The following PLPPR5 variants were observed in gnomAD, a reference collection of about 807,000 sequenced individuals.
PLPPR5 encodes phospholipid phosphatase-related protein type 5.
PLPPR5 carries 16 observed loss-of-function variants against 33.9 expected under a neutral mutation model. The ratio of observed to expected loss-of-function variants is 0.47; its 90% CI spans 0.32 to 0.72. The LOEUF is 0.72. PLPPR5 is among the 30% of genes least tolerant of loss of function. PLPPR5 has a pLI of 0.03. For missense variants in PLPPR5, 301 were observed against 406.7 expected (o/e 0.74, Z 2.23); for synonymous variants, 163 against 150.3 (o/e 1.08, Z -0.62).
intron 1 of PLPPR5, among the ~76,000 whole-genome samples, chr1:98,979,151 T>C (rs1165546701): frequency 2.0e-5 from 3 of 152,202 alleles, no homozygotes; most frequent in Middle Eastern, 3.4e-3. Flanking sequence ...AAGTTTAGCT[T>C]CTCATTTAGG....
chr1:98,932,934 T>C (rs1237795678), intron 3 of PLPPR5, among the ~76,000 whole-genome samples: 4 of 152,146 alleles, frequency 2.6e-5, no homozygotes, highest in Non-Finnish European at 5.9e-5. Flanking sequence ...ATCTGAGCCC[T>C]CAAGTAGAGA....
intron 3 of PLPPR5, among the ~76,000 whole-genome samples, chr1:98,932,732 C>T (rs1193616235): frequency 6.6e-6 from 1 of 152,178 alleles, no homozygotes; most frequent in Non-Finnish European, 1.5e-5. Context: ...CTGCAGTAAG[C>T]ATGCACATTA....
In PLPPR5 at chr1:98,892,058, T is replaced by C. The variant is rs879945479; in HGVS notation, c.*1014A>G. 5 of 152,156 alleles carry C rather than the reference T, an allele frequency of 3.3e-5. No individual in the cohort carries two copies. Among genetic ancestry groups the C allele is most frequent in the African/African-American group, 4.8e-5 (2 of 41,454 alleles). The allele number at this position is 152,156 out of a possible 1,614,324, so 9.4% of individuals were successfully genotyped here. A position where few individuals can be genotyped will look rare whatever the true frequency, so the allele number is the denominator to read the frequency against. ...TATGAGGATTACATAAAATAATTGG[T>C]GTAAATATGCTTTGTAAACTATAAA... On this transcript the variant is annotated 3_prime_UTR_variant, in exon 6 of 6. Coordinates refer to ENST00000263177, the MANE Select transcript of PLPPR5 (RefSeq NM_001037317.2).
intron 1 of PLPPR5, among the ~76,000 whole-genome samples, chr1:98,998,273 G>A (rs1652698471): frequency 6.6e-6 from 1 of 152,136 alleles, no homozygotes; most frequent in Non-Finnish European, 1.5e-5. Flanking sequence ...CTTAGAAACA[G>A]AAGTACCTCC....
chr1:98,915,769 T>C (rs1443714236), intron 4 of PLPPR5, among the ~76,000 whole-genome samples: 1 of 152,142 alleles, frequency 6.6e-6, no homozygotes, highest in Non-Finnish European at 1.5e-5. Context: ...GATTCTGATT[T>C]AGTAAATGAA....
At chr1:98,907,949 G>A (rs1224282379) in intron 5 of PLPPR5, among the ~76,000 whole-genome samples, 2 of 152,134 alleles carry the variant, frequency 1.3e-5, no homozygotes, top group Non-Finnish European at 2.9e-5. Flanking sequence ...CAGGTGTGGG[G>A]TACCTATCCA....
At chr1:98,967,445 GTAAA>G (rs964812666) in intron 1 of PLPPR5, among the ~76,000 whole-genome samples, 3 of 152,200 alleles carry the variant, frequency 2.0e-5, no homozygotes, top group Non-Finnish European at 4.4e-5. Flanking sequence ...AAAAATACTA[GTAAA>G]TAAATGAAGA....
intron 1 of PLPPR5, among the ~76,000 whole-genome samples, chr1:98,973,106 CTAACT>C (rs1651714455): frequency 1.3e-5 from 2 of 152,114 alleles, no homozygotes; most frequent in East Asian, 1.9e-4. Context: ...CTGAGCCATC[CTAACT>C]TAACACTGCT....
chr1:98,964,272 G>T (rs1651356066), intron 1 of PLPPR5, among the ~76,000 whole-genome samples: 2 of 152,190 alleles, frequency 1.3e-5, no homozygotes, highest in Non-Finnish European at 2.9e-5. Flanking sequence ...TTGAGATGAT[G>T]AACAGTGTTA....
intron 5 of PLPPR5, among the ~76,000 whole-genome samples, chr1:98,904,715 TG>T (rs1416888933): frequency 2.0e-5 from 3 of 152,252 alleles, no homozygotes; most frequent in African/African-American, 7.2e-5. Context: ...GCTTTGCTGT[TG>T]GGGTGACTGC....
At chr1:98,975,090 A>G (rs560283985) in intron 1 of PLPPR5, among the ~76,000 whole-genome samples, 1 of 152,006 alleles carries the variant, frequency 6.6e-6, no homozygotes, top group African/African-American at 2.4e-5. Flanking sequence ...CTCTTTTGTA[A>G]CTATTCCTTT....
At chr1:98,982,823 C>G (rs1307160183) in intron 1 of PLPPR5, among the ~76,000 whole-genome samples, 1 of 152,034 alleles carries the variant, frequency 6.6e-6, no homozygotes, top group Non-Finnish European at 1.5e-5. Context: ...TCATGGAGCC[C>G]CAAGGGTTGT....
At chr1:98,976,694 C>A (rs886807500) in intron 1 of PLPPR5, among the ~76,000 whole-genome samples, 1 of 151,812 alleles carries the variant, frequency 6.6e-6, no homozygotes, top group Non-Finnish European at 1.5e-5. Context: ...AGTACAAAAA[C>A]GATAACTTAT....
chr1:98,952,413 G>T (rs1316343230), intron 3 of PLPPR5, among the ~76,000 whole-genome samples: 1 of 152,144 alleles, frequency 6.6e-6, no homozygotes, highest in Non-Finnish European at 1.5e-5. Flanking sequence ...GACAAGAGCT[G>T]CCTGCCAAAG....
At chr1:98,954,597 C>T (rs1244774247) in intron 2 of PLPPR5, among the ~76,000 whole-genome samples, 1 of 151,980 alleles carries the variant, frequency 6.6e-6, no homozygotes, top group Non-Finnish European at 1.5e-5. Flanking sequence ...CATACAAAAA[C>T]CCCCACACAG....
intron 5 of PLPPR5, among the ~76,000 whole-genome samples, chr1:98,893,989 G>A (rs1033608187): frequency 6.6e-6 from 1 of 151,764 alleles, no homozygotes; most frequent in Non-Finnish European, 1.5e-5. Flanking sequence ...CATACATATA[G>A]CTTTTTTCAA....
At chr1:99,001,673 T>TAGATATATATATAG (rs1362937734) in intron 1 of PLPPR5, among the ~76,000 whole-genome samples, 6 of 38,708 alleles carry the variant, frequency 1.6e-4, no homozygotes, top group Non-Finnish European at 3.8e-4. Context: ...AAGTTAAAGA[T>TAGATATATATATAG]ATATATATAT....
At chr1:98,912,534 A>G (rs1649192645) in intron 5 of PLPPR5, among the ~76,000 whole-genome samples, 1 of 152,174 alleles carries the variant, frequency 6.6e-6, no homozygotes, top group Non-Finnish European at 1.5e-5. Flanking sequence ...AGAGTCTTCA[A>G]AGAGATAAAT....
chr1:98,949,639 T>A (rs1384342353), intron 3 of PLPPR5, among the ~76,000 whole-genome samples: 1 of 152,186 alleles, frequency 6.6e-6, no homozygotes, highest in East Asian at 1.9e-4. Context: ...CTGCATTAGT[T>A]TGAAACACCC....
Sources: allele counts gnomAD v4.1 joint callset (sites outside exome capture counted in the v4.1 genomes callset), GRCh38; gene constraint gnomAD v4.1.1; transcripts MANE v1.5; gene names NCBI Gene and HGNC (gene_info 2026-07-23, HGNC 2026-07-21).